CADPS: variants seen among roughly 807,000 people sequenced by gnomAD.
The protein encoded by CADPS is calcium dependent secretion activator.
In CADPS, 57 loss-of-function variants were observed where a neutral mutation model predicts 167.3. The observed-to-expected ratio is 0.34, with a 90% confidence interval of 0.28 to 0.42. CADPS has a LOEUF of 0.42. Ranked by LOEUF, CADPS falls within the 20% of genes least tolerant of loss-of-function variation. CADPS has a pLI of 1.00. For synonymous variants in CADPS, 676 were observed against 635.3 expected, an observed-to-expected ratio of 1.06 and a Z score of -0.96; for missense variants, 1,414 against 1,738.1, an observed-to-expected ratio of 0.81 and a Z score of 3.32.
At chr3:62,738,727 A>T (rs1032177906) in intron 3 of CADPS, among the ~76,000 whole-genome samples, 2 of 152,224 alleles carry the variant, frequency 1.3e-5, no homozygotes, top group African/African-American at 4.8e-5. Flanking sequence ...ACTCCGTCTC[A>T]AAAAATAAAA....
chr3:62,764,089 A>G (rs1377382129), intron 2 of CADPS, among the ~76,000 whole-genome samples: 1 of 152,184 alleles, frequency 6.6e-6, no homozygotes, highest in Non-Finnish European at 1.5e-5. Context: ...TTTGCAACCT[A>G]TAAATTTATA....
chr3:62,803,461 G>T (rs752047751), intron 1 of CADPS, among the ~76,000 whole-genome samples: 1 of 151,924 alleles, frequency 6.6e-6, no homozygotes, highest in Non-Finnish European at 1.5e-5. Context: ...GTGAGGGGGA[G>T]ACTGCTACTG....
chr3:62,445,166 T>C (rs1334530259), intron 27 of CADPS, among the ~76,000 whole-genome samples: 2 of 152,184 alleles, frequency 1.3e-5, no homozygotes, highest in African/African-American at 4.8e-5. Flanking sequence ...AAACTTCGAG[T>C]GCTTTATCTG....
intron 24 of CADPS, chr3:62,469,692 T>G (rs938788910): frequency 5.5e-6 from 1 of 180,696 alleles, no homozygotes; most frequent in Non-Finnish European, 1.2e-5. Context: ...GTATTTTTAG[T>G]AGAAACAGGG....
chr3:62,558,186 G>A (rs752921446), intron 9 of CADPS, among the ~76,000 whole-genome samples: 19 of 152,166 alleles, frequency 1.2e-4, no homozygotes, highest in African/African-American at 4.1e-4. Context: ...GCGCTTGATC[G>A]CTAGGTGCCA....
In CADPS at chr3:62,866,184, TAACA is replaced by T. The variant is rs557177011; in HGVS notation, c.441+8401_441+8404del. ...CTAGAAATTTGTCACTTTTTGGTAT[TAACA>T]AACAAAGTCAAAGGTAATAGATAGC... is the stretch of plus-strand genomic sequence containing the variant. On this transcript the variant is annotated intron_variant, in intron 1 of 29. Coordinates refer to ENST00000383710, the MANE Select transcript of CADPS (RefSeq NM_003716.4). Among the ~76,000 whole-genome samples, 190 of 152,248 alleles carry T rather than the reference TAACA, an allele frequency of 1.2e-3. 1 individual carries two copies. In the South Asian group the frequency reaches 0.017, roughly 14 times the overall value.
Position 62,431,181 on chromosome 3 carries a change from G to T in CADPS, c.3777+6923C>A, listed in dbSNP as rs148104789. 2.5e-3 allele frequency among the ~76,000 whole-genome samples: 383 copies of T among 152,216 alleles called. 3 individuals carry two copies. Among genetic ancestry groups the T allele is most frequent in the African/African-American group, 8.9e-3 (371 of 41,520 alleles). ...GGAAAATCCCGGTAGAATTAACAAA[G>T]GACCCTTCCCAATAGTATGGGTATG... On this transcript the variant is annotated intron_variant, in intron 28 of 29. Coordinates refer to ENST00000383710, the MANE Select transcript of CADPS (RefSeq NM_003716.4).
At chr3:62,673,922 A>G (rs1207215464) in intron 3 of CADPS, among the ~76,000 whole-genome samples, 1 of 152,198 alleles carries the variant, frequency 6.6e-6, no homozygotes, top group Non-Finnish European at 1.5e-5. Flanking sequence ...AATGAGCTCA[A>G]CAGGAAGTCC....
intron 8 of CADPS, among the ~76,000 whole-genome samples, chr3:62,578,608 T>TGA (rs2082764850): frequency 6.2e-5 from 1 of 16,208 alleles, no homozygotes; most frequent in Non-Finnish European, 1.3e-4. Context: ...AGACTCCGTC[T>TGA]CAAAAAAATA....
intron 1 of CADPS, among the ~76,000 whole-genome samples, chr3:62,843,127 A>G (rs1306345318): frequency 6.6e-6 from 1 of 152,156 alleles, no homozygotes. Flanking sequence ...CTGACCTGTG[A>G]AAACATTAAC....
chr3:62,641,682 C>A (rs1046471588), intron 6 of CADPS, among the ~76,000 whole-genome samples: 3 of 152,048 alleles, frequency 2.0e-5, no homozygotes, highest in African/African-American at 7.2e-5. Flanking sequence ...AAGTACGTCT[C>A]ATGAAAACTT....
rs1399270602 is a variant in CADPS, at chr3:62,653,405, G to T, written c.970-2325C>A. 3.9e-5 allele frequency among the ~76,000 whole-genome samples: 6 copies of T among 152,226 alleles called. No individual in the cohort carries two copies. In the East Asian group the frequency reaches 1.2e-3, roughly 29 times the overall value. On this transcript the variant is annotated intron_variant, in intron 4 of 29. Coordinates refer to ENST00000383710, the MANE Select transcript of CADPS (RefSeq NM_003716.4). ...TCATCAGACACTGAATCTGATGGTG[G>T]CTTGATTTTGAACTTCCCAGCCTCC...
At chr3:62,575,161 A>G (rs1448886556) in intron 8 of CADPS, among the ~76,000 whole-genome samples, 1 of 152,254 alleles carries the variant, frequency 6.6e-6, no homozygotes. Flanking sequence ...TATTGTGTAT[A>G]TAATCATAAG....
At chr3:62,560,452 C>A (rs1203749267) in intron 9 of CADPS, among the ~76,000 whole-genome samples, 1 of 152,176 alleles carries the variant, frequency 6.6e-6, no homozygotes, top group African/African-American at 2.4e-5. Flanking sequence ...GCCTGGAATG[C>A]ATGTTAGAAG....
At chr3:62,428,224 A>G (rs1482856927) in intron 28 of CADPS, among the ~76,000 whole-genome samples, 3 of 142,492 alleles carry the variant, frequency 2.1e-5, no homozygotes, top group African/African-American at 8.0e-5. Flanking sequence ...TGAATGAAGT[A>G]TTTAAGTTGA....
intron 9 of CADPS, 140 bp from the exon 10 acceptor site, chr3:62,557,653 C>T (rs13316630): frequency 0.029 from 19,732 of 675,296 alleles, 421 homozygotes; most frequent in African/African-American, 0.073. Flanking sequence ...GGCTGTGTGA[C>T]GTTGAGCATG....
chr3:62,785,536 C>T lies in CADPS; in HGVS notation c.442-19552G>A, dbSNP rs538428553. 6.6e-5 allele frequency among the ~76,000 whole-genome samples: 10 copies of T among 152,286 alleles called. No homozygotes were observed. In the South Asian group the frequency reaches 2.1e-3, roughly 32 times the overall value. On this transcript the variant is annotated intron_variant, in intron 1 of 29. Transcript: ENST00000383710. ...AGTACATAATGGTGAGATCTCTGGT[C>T]ATTCCCAAGACTGAAAGAATGTAAT...
At chr3:62,774,627 T>A (rs1047605361) in intron 1 of CADPS, among the ~76,000 whole-genome samples, 1 of 152,240 alleles carries the variant, frequency 6.6e-6, no homozygotes, top group African/African-American at 2.4e-5. Context: ...ACCCATCATA[T>A]GTTAAACTGA....
intron 8 of CADPS, among the ~76,000 whole-genome samples, chr3:62,577,320 A>G (rs556548249): frequency 6.6e-6 from 1 of 152,336 alleles, no homozygotes; most frequent in South Asian, 2.1e-4. Flanking sequence ...TATACAATGT[A>G]TTGTTATTAA....
Sources: allele counts gnomAD v4.1 joint callset (sites outside exome capture counted in the v4.1 genomes callset), GRCh38; gene constraint gnomAD v4.1.1; transcripts MANE v1.5; gene names NCBI Gene and HGNC (gene_info 2026-07-23, HGNC 2026-07-21).